GLIPR1L1: variants seen among roughly 807,000 people sequenced by gnomAD.
GLIPR1L1 encodes the protein GLIPR1-like protein 1.
GLIPR1L1 carries 26 observed loss-of-function variants against 29.9 expected under a neutral mutation model. That is an observed-to-expected ratio of 0.87 (90% confidence interval 0.64 to 1.21). The LOEUF (loss-of-function observed/expected upper bound fraction) is 1.21. Ranked by LOEUF, GLIPR1L1 falls within the 50% of genes most tolerant of loss-of-function variation. The pLI is 0.00. For synonymous variants in GLIPR1L1, 77 were observed against 97.5 expected, an observed-to-expected ratio of 0.79 and a Z score of 1.24; for missense variants, 305 against 290.3, an observed-to-expected ratio of 1.05 and a Z score of -0.37.
At chr12:75,340,538 T>A (rs2139300364) in intron 1 of GLIPR1L1, among the ~76,000 whole-genome samples, 1 of 152,152 alleles carries the variant, frequency 6.6e-6, no homozygotes, top group African/African-American at 2.4e-5. Context: ...TGAATTATTT[T>A]GATTTTTATC....
At chr12:75,340,725 T>C (rs577874035) in intron 1 of GLIPR1L1, among the ~76,000 whole-genome samples, 132 of 138,862 alleles carry the variant, frequency 9.5e-4, no homozygotes, top group African/African-American at 3.1e-3. Context: ...GTCTCAAAAC[T>C]CAACAGTAAA....
At chr12:75,352,838 G>A (rs1302344305) in intron 3 of GLIPR1L1, among the ~76,000 whole-genome samples, 1 of 152,116 alleles carries the variant, frequency 6.6e-6, no homozygotes, top group African/African-American at 2.4e-5. Flanking sequence ...TCAATATTAA[G>A]AAACACTCAA....
At chr12:75,341,747 CTTTTTTTTT>C (rs1185408752) in intron 1 of GLIPR1L1, among the ~76,000 whole-genome samples, 4 of 83,406 alleles carry the variant, frequency 4.8e-5, no homozygotes, top group Admixed American at 1.4e-4. Context: ...CGCCCGGCCT[CTTTTTTTTT>C]TTTTTTTTTT....
At chr12:75,364,915 A>C (rs535923977) in intron 4 of GLIPR1L1, 1 of 152,260 alleles carries the variant, frequency 6.6e-6, no homozygotes, top group South Asian at 2.1e-4. Flanking sequence ...ATTTGTTTTT[A>C]ATTCTACAGG....
intron 2 of GLIPR1L1, among the ~76,000 whole-genome samples, chr12:75,345,149 C>G (rs1356211233): frequency 6.6e-6 from 1 of 152,094 alleles, no homozygotes; most frequent in Non-Finnish European, 1.5e-5. Flanking sequence ...TGTCCATGGT[C>G]TCCCCAAGAC....
At chr12:75,358,853 A>G (rs1263988417) in intron 3 of GLIPR1L1, among the ~76,000 whole-genome samples, 1 of 144,592 alleles carries the variant, frequency 6.9e-6, no homozygotes, top group Non-Finnish European at 1.5e-5. Context: ...AATATATTAT[A>G]TATGGTTTAA....
Position 75,354,421 on chromosome 12 carries a change from A to AC in GLIPR1L1, c.521+6699_521+6700insC, listed in dbSNP as rs368364150. Among the ~76,000 whole-genome samples, 171 of 151,644 alleles carry AC rather than the reference A, an allele frequency of 1.1e-3. 1 individual carries two copies. Among genetic ancestry groups the AC allele is most frequent in the African/African-American group, 3.7e-3 (151 of 41,334 alleles). On this transcript the variant is annotated intron_variant, in intron 3 of 5. Transcript: ENST00000378695. ...AATAAGATACCTAGGAATACAGCTAAAAAAAAAGTGAAGGACTTCTTCAAG... is the reference window on the plus strand; with the variant it reads ...AATAAGATACCTAGGAATACAGCTAACAAAAAAAGTGAAGGACTTCTTCAAG...
intron 3 of GLIPR1L1, among the ~76,000 whole-genome samples, chr12:75,359,200 T>C (rs1421538686): frequency 6.6e-6 from 1 of 150,846 alleles, no homozygotes; most frequent in Non-Finnish European, 1.5e-5. Context: ...TCATTTATAA[T>C]AGCATCAAAA....
chr12:75,363,178 A>G lies in GLIPR1L1; in HGVS notation c.598A>G (p.Lys200Glu), dbSNP rs768882001. ...CTGCTCAAAAGAAGAGAAATGTGTAAAGAACCTCTGCAGTAAGCAAAAATA... is the reference window on the plus strand; with the variant it reads ...CTGCTCAAAAGAAGAGAAATGTGTAGAGAACCTCTGCAGTAAGCAAAAATA... ...SLCSKEEKCVKNLCRTPQLII... is the reference protein window; with the variant it reads ...SLCSKEEKCVENLCRTPQLII... The change falls in exon 4 of 6, where the codon AAG (lysine) becomes GAG (glutamate). Residue 200 changes from lysine to glutamate, a missense_variant. By Grantham distance (56) the Lys-to-Glu change is moderately conservative (BLOSUM62 1). Coordinates refer to ENST00000378695, the MANE Select transcript of GLIPR1L1 (RefSeq NM_001304964.2). The G allele has an allele frequency of 1.3e-6, 2 of 1,520,966 alleles. No homozygotes were observed. Among genetic ancestry groups the G allele is most frequent in the East Asian group, 2.5e-5 (1 of 40,792 alleles). 94.2% of individuals were successfully genotyped at this position (1,520,966 alleles called of 1,614,324 possible). A position where few individuals can be genotyped will look rare whatever the true frequency, so the allele number is the denominator to read the frequency against.
At chr12:75,367,310 T>TTGACTCTA (rs2044042747) in intron 4 of GLIPR1L1, among the ~76,000 whole-genome samples, 1 of 150,628 alleles carries the variant, frequency 6.6e-6, no homozygotes, top group Non-Finnish European at 1.5e-5. Flanking sequence ...GACTCTTTCG[T>TTGACTCTA]AGTAACACTT....
At chr12:75,349,958 G>A (rs987698947) in intron 3 of GLIPR1L1, among the ~76,000 whole-genome samples, 9 of 152,320 alleles carry the variant, frequency 5.9e-5, no homozygotes, top group South Asian at 2.1e-4. Context: ...GCTGGCCAGC[G>A]GGGCAGGCTG....
rs753271290 is a variant in GLIPR1L1 at position 75,336,197 on chromosome 12, A to T, written c.174+1295A>T. 1.4e-3 allele frequency among the ~76,000 whole-genome samples: 219 copies of T among 152,084 alleles called. 2 individuals are homozygous for T. The highest frequency in any genetic ancestry group is 4.3e-4 in the Non-Finnish European group (29 of 67,822). On this transcript the variant is annotated intron_variant, in intron 1 of 5. Transcript: ENST00000378695. Reference sequence around the variant, plus strand: ...GCATATTTTAATATCTAGGATAACCATTAAAAATATACAAAGAAGTAGAGC... The same window carrying T: ...GCATATTTTAATATCTAGGATAACCTTTAAAAATATACAAAGAAGTAGAGC...
At chr12:75,335,209 T>C (rs2041643021) in intron 1 of GLIPR1L1, among the ~76,000 whole-genome samples, 1 of 152,124 alleles carries the variant, frequency 6.6e-6, no homozygotes, top group South Asian at 2.1e-4. Flanking sequence ...TTGTTTTCTT[T>C]CTTCCATTTT....
At chr12:75,342,284 T>C (rs967374397) in intron 1 of GLIPR1L1, among the ~76,000 whole-genome samples, 6 of 152,174 alleles carry the variant, frequency 3.9e-5, no homozygotes, top group Non-Finnish European at 5.9e-5. Flanking sequence ...CATGTAAAAC[T>C]GTTGAAATCT....
chr12:75,354,152 G>A (rs2042989883), intron 3 of GLIPR1L1, among the ~76,000 whole-genome samples: 1 of 115,296 alleles, frequency 8.7e-6, no homozygotes. Flanking sequence ...GAGCAATCAG[G>A]GAAGAGAAAA....
In GLIPR1L1 at chr12:75,343,829, G is replaced by C; in HGVS notation, c.311G>C (p.Gly104Ala). The stretch of plus-strand genomic sequence containing the variant: ...GTTGGAGAAAATATCTGGTTAGGTG[G>C]AATAAAGTCATTCACACCAAGACAT... ...EYVGENIWLG[G>A]IKSFTPRHAI... Residue 104 changes from glycine (G) to alanine (A), a missense_variant, in exon 2 of 6, where the codon GGA becomes GCA. Coordinates refer to ENST00000378695, the MANE Select transcript of GLIPR1L1 (RefSeq NM_001304964.2). 2.5e-6 allele frequency: 4 copies of C among 1,613,190 alleles called. No individual in the cohort carries two copies. The highest frequency in any genetic ancestry group is 3.4e-6 in the Non-Finnish European group (4 of 1,179,402).
chr12:75,348,148 A>G (rs923231978), intron 3 of GLIPR1L1, among the ~76,000 whole-genome samples: 2 of 152,180 alleles, frequency 1.3e-5, no homozygotes, highest in Non-Finnish European at 2.9e-5. Flanking sequence ...TCTTGCTGAT[A>G]ATTGCATATC....
chr12:75,363,273 A>T (rs1255352136), intron 4 of GLIPR1L1, 83 bp downstream of exon 4: 16 of 559,330 alleles, frequency 2.9e-5, no homozygotes, highest in Non-Finnish European at 4.6e-5. Context: ...TGGCTTCTCA[A>T]GTTTACAAAC....
In GLIPR1L1 at chr12:75,363,186, C is replaced by G. The variant is rs1253431168; in HGVS notation, c.606C>G (p.Leu202=). 1.4e-6 allele frequency: 2 copies of G among 1,408,274 alleles called. No individual in the cohort carries two copies. The highest frequency in any genetic ancestry group is 1.9e-6 in the Non-Finnish European group (2 of 1,051,454). The allele number at this position is 1,408,274 out of a possible 1,614,324, so 87.2% of individuals were successfully genotyped here. A position where few individuals can be genotyped will look rare whatever the true frequency, so the allele number is the denominator to read the frequency against. Residue 202 remains leucine, a synonymous_variant, in exon 4 of 6, where the codon CTC becomes CTG. Coordinates refer to ENST00000378695, the MANE Select transcript of GLIPR1L1 (RefSeq NM_001304964.2). ...CSKEEKCVKN[L]CRTPQLIIPN... ...AAGAAGAGAAATGTGTAAAGAACCT[C>G]TGCAGTAAGCAAAAATATATATATA...
Sources: allele counts gnomAD v4.1 joint callset (sites outside exome capture counted in the v4.1 genomes callset), GRCh38; gene constraint gnomAD v4.1.1; transcripts MANE v1.5; gene names NCBI Gene and HGNC (gene_info 2026-07-23, HGNC 2026-07-21).